Variants in DSP observed in about 807,000 individuals in gnomAD.
DSP encodes 250/210 kDa paraneoplastic pemphigus antigen.
A neutral mutation model predicts 290.6 loss-of-function variants in DSP; 114 were observed. The observed-to-expected ratio is 0.39, with a 90% confidence interval of 0.34 to 0.46. The LOEUF is 0.46. Ranked by LOEUF, DSP falls within the 20% of genes least tolerant of loss-of-function variation. The probability of loss-of-function intolerance (pLI) is 0.99; values close to 1 mark genes in which losing one functional copy is unlikely to be tolerated. For missense variants in DSP, 3,230 were observed against 3,495.8 expected (o/e 0.92, Z 1.92); for synonymous variants, 1,311 against 1,316.4 (o/e 1.00, Z 0.09).
rs773559423 is a variant in DSP at position 7,541,996 on chromosome 6, C to G, written c.81C>G (p.Arg27=). ...GCGCCGAGTCTGGCCCGGACCTGCG[C>G]TACGAGGTGACCAGCGGCGGCGGGG... The part of the protein sequence containing the change: ...MIRAESGPDL[R]YEVTSGGGGT... The change falls in exon 1 of 24, where the codon CGC becomes CGG. Residue 27 remains arginine (R), a synonymous_variant. Coordinates refer to ENST00000379802, the MANE Select transcript of DSP (RefSeq NM_004415.4). 11 of 1,599,432 alleles carry G rather than the reference C, an allele frequency of 6.9e-6. No individual in the cohort carries two copies. The highest frequency in any genetic ancestry group is 9.4e-6 in the Non-Finnish European group (11 of 1,174,322).
rs371873840 is a variant in DSP, at chr6:7,582,998, G to A, written c.5736G>A (p.Arg1912=). 5 of 1,613,954 alleles carry A rather than the reference G, an allele frequency of 3.1e-6. No homozygotes were observed. Among genetic ancestry groups the A allele is most frequent in the Admixed American group, 1.7e-5 (1 of 59,990 alleles). The change falls in exon 24 of 24, where the codon AGG becomes AGA. Residue 1912 remains arginine, a synonymous_variant. Coordinates refer to ENST00000379802, the MANE Select transcript of DSP (RefSeq NM_004415.4). This position sits in a 1 kb window ranked among gnomAD's most constrained non-coding sequence, Gnocchi z 4.2. ...LQAEIKRIEE[R]CRRKLEDSTR... ...CAGAGATCAAGAGAATTGAAGAGAGGTGCAGGCGTAAGCTGGAGGATTCTA... is the reference window on the plus strand; with the variant it reads ...CAGAGATCAAGAGAATTGAAGAGAGATGCAGGCGTAAGCTGGAGGATTCTA...
At position 7,567,334 on chromosome 6, in the gene DSP, C is replaced by T; in HGVS notation, c.1045-20C>T. The T allele has an allele frequency of 1.2e-6, 2 of 1,606,890 alleles. No homozygotes were observed. The highest frequency in any genetic ancestry group is 1.7e-6 in the Non-Finnish European group (2 of 1,173,754). ...GTACAACTGAGCTAGGCTAAGACAG[C>T]TGACATTTTCTTGTTTCAGGCCTAT... On this transcript the variant is annotated intron_variant, in intron 8 of 23. Transcript: ENST00000379802.
intron 1 of DSP, 137 bp downstream of exon 1, chr6:7,542,222 C>A: frequency 8.1e-7 from 1 of 1,227,416 alleles, no homozygotes; most frequent in Non-Finnish European, 1.1e-6. Flanking sequence ...AACTTCCCGG[C>A]CGCGCTGGGA....
Position 7,575,334 on chromosome 6 carries a change from G to A in DSP, c.2476G>A (p.Ala826Thr). The A allele has an allele frequency of 6.2e-7, 1 of 1,613,930 alleles. No homozygotes were observed. The highest frequency in any genetic ancestry group is 2.2e-5 in the East Asian group (1 of 44,874). ...CTTGAACTTGAAGAAGTCGTTGTTG[G>A]CCACTATGAAGACAGAACTACAGAA... ...NDLNLKKSLL[A>T]TMKTELQKAQ... Residue 826 changes from alanine (A) to threonine (T), a missense_variant, in exon 18 of 24, where the codon GCC becomes ACC. Physicochemically the swap from Ala to Thr is moderately conservative, Grantham distance 58 (BLOSUM62 0). Transcript: ENST00000379802.
chr6:7,558,697 G>A (rs1758580915), intron 3 of DSP, among the ~76,000 whole-genome samples: 1 of 151,918 alleles, frequency 6.6e-6, no homozygotes. Context: ...AATTTTTTGT[G>A]GAGACAGGGT....
intron 15 of DSP, among the ~76,000 whole-genome samples, chr6:7,573,640 A>G (rs1002555141): frequency 1.3e-5 from 2 of 152,098 alleles, no homozygotes; most frequent in South Asian, 4.1e-4. Flanking sequence ...AATGTGGGGG[A>G]CATTATGCTA....
At chr6:7,552,103 T>C (rs944961180) in intron 1 of DSP, among the ~76,000 whole-genome samples, 2 of 152,184 alleles carry the variant, frequency 1.3e-5, no homozygotes, top group African/African-American at 4.8e-5. Flanking sequence ...AGACAAATAA[T>C]GATATCAAAG....
intron 1 of DSP, among the ~76,000 whole-genome samples, chr6:7,550,570 C>G (rs1461099097): frequency 6.6e-6 from 1 of 151,764 alleles, no homozygotes; most frequent in Non-Finnish European, 1.5e-5. Context: ...CGATGAAGGG[C>G]TCTCTATGCA....
Position 7,584,793 on chromosome 6 carries a change from TCAGATGGCTCCAC to T in DSP, c.7535_7547del (p.Asp2512GlyfsTer5). On this transcript the variant is annotated frameshift_variant, in exon 24 of 24. Transcript: ENST00000379802. LOFTEE classifies it high-confidence loss of function. The surrounding 1 kb of genome is among the most constrained non-coding windows in gnomAD (Gnocchi z 6.4). ...ATGGGAAGAAATAACCATCACGGGATCAGATGGCTCCACCAGGGTGGTCCTGGTAGATAGAAAG... is the reference window on the plus strand; with the variant it reads ...ATGGGAAGAAATAACCATCACGGGATCAGGGTGGTCCTGGTAGATAGAAAG... The T allele has an allele frequency of 6.2e-7, 1 of 1,614,154 alleles. No homozygotes were observed. Among genetic ancestry groups the T allele is most frequent in the Non-Finnish European group, 8.5e-7 (1 of 1,180,018 alleles).
rs1450035171 is a variant in DSP, at chr6:7,572,076, T to C, written c.2130+8T>C. The C allele has an allele frequency of 1.2e-6, 2 of 1,610,524 alleles. No homozygotes were observed. Among genetic ancestry groups the C allele is most frequent in the African/African-American group, 2.7e-5 (2 of 74,834 alleles). ...AAAATTAACGAGCTTAAGGTAGGTA[T>C]CTGCTAGTATTTTGCCTGGTTACCC... On this transcript the variant is annotated splice_region_variant and intron_variant, in intron 15 of 23. Transcript: ENST00000379802.
chr6:7,576,539 C>G, intron 19 of DSP, 83 bp downstream of exon 19: 1 of 1,543,026 alleles, frequency 6.5e-7, no homozygotes, highest in Non-Finnish European at 8.9e-7. Flanking sequence ...TGTATCAGTG[C>G]CTAGGTTTGA....
rs1759395085 is a variant in DSP, at chr6:7,580,532, G to C, written c.4342G>C (p.Glu1448Gln). 3 of 1,614,164 alleles carry C rather than the reference G, an allele frequency of 1.9e-6. No individual in the cohort carries two copies. Among genetic ancestry groups the C allele is most frequent in the Non-Finnish European group, 2.5e-6 (3 of 1,180,044 alleles). ...SEVSQRKQQL[E>Q]VELRQVTQMR... is the part of the protein sequence containing the mutation. ...GGTGTCTCAGAGGAAACAGCAGCTGGAGGTTGAGCTGAGACAAGTCACTCA... is the reference window on the plus strand; with the variant it reads ...GGTGTCTCAGAGGAAACAGCAGCTGCAGGTTGAGCTGAGACAAGTCACTCA... The change falls in exon 23 of 24, where the codon GAG (glutamate) becomes CAG (glutamine). Residue 1448 changes from glutamate to glutamine, a missense_variant. By Grantham distance (29) the Glu-to-Gln change is conservative. Coordinates refer to ENST00000379802, the MANE Select transcript of DSP (RefSeq NM_004415.4). The surrounding 1 kb of genome is among the most constrained non-coding windows in gnomAD (Gnocchi z 4.2).
chr6:7,544,339 T>C (rs1758109551), intron 1 of DSP, among the ~76,000 whole-genome samples: 1 of 152,240 alleles, frequency 6.6e-6, no homozygotes, highest in Non-Finnish European at 1.5e-5. Flanking sequence ...TATGTTTGGC[T>C]GTGGCGTGCA....
At position 7,581,512 on chromosome 6, in the gene DSP, G is replaced by A; in HGVS notation, c.5322G>A (p.Gln1774=). Reference sequence around the variant, plus strand: ...TGCAGGGGCTGATTAATGATTTACAGAGAGAGAGGGAAAATTTGAGACAGG... The same window carrying A: ...TGCAGGGGCTGATTAATGATTTACAAAGAGAGAGGGAAAATTTGAGACAGG... ...LELQGLINDL[Q]RERENLRQEI... Residue 1774 remains glutamine, a synonymous_variant, in exon 23 of 24, where the codon CAG becomes CAA. Transcript: ENST00000379802. 6.2e-7 allele frequency: 1 copy of A among 1,613,970 alleles called. No homozygotes were observed. Among genetic ancestry groups the A allele is most frequent in the Admixed American group, 1.7e-5 (1 of 60,004 alleles).
rs1042992357 is a variant in DSP at position 7,582,515 on chromosome 6, T to C, written c.5380-127T>C. On this transcript the variant is annotated intron_variant, in intron 23 of 23. Coordinates refer to ENST00000379802, the MANE Select transcript of DSP (RefSeq NM_004415.4). The surrounding 1 kb of genome is among the most constrained non-coding windows in gnomAD (Gnocchi z 4.2). ...GCTCACAGTGTATCCAGGGACAATATAGAAAGAAAAAATAAGCAAGGCTTT... is the reference window on the plus strand; with the variant it reads ...GCTCACAGTGTATCCAGGGACAATACAGAAAGAAAAAATAAGCAAGGCTTT... 7.9e-6 allele frequency: 7 copies of C among 884,116 alleles called. No individual in the cohort carries two copies. Among genetic ancestry groups the C allele is most frequent in the African/African-American group, 6.9e-5 (4 of 58,358 alleles). 54.8% of individuals were successfully genotyped at this position (884,116 alleles called of 1,614,324 possible).
intron 1 of DSP, 78 bp from the exon 2 acceptor site, chr6:7,555,639 CA>C: frequency 7.2e-7 from 1 of 1,389,866 alleles, no homozygotes; most frequent in Non-Finnish European, 1.0e-6. Context: ...CCCGTTTTTG[CA>C]ACTTTTGCAA....
chr6:7,574,972 G>A (rs529140509), intron 17 of DSP, among the ~76,000 whole-genome samples, 177 bp downstream of exon 17: 9 of 152,292 alleles, frequency 5.9e-5, no homozygotes, highest in Non-Finnish European at 8.8e-5. Context: ...TGTGTTAGCA[G>A]GAACTATATA....
At chr6:7,558,957 C>T (rs1581793562) in intron 3 of DSP, among the ~76,000 whole-genome samples, 1 of 152,112 alleles carries the variant, frequency 6.6e-6, no homozygotes, top group Admixed American at 6.5e-5. Flanking sequence ...CAGGACAAAA[C>T]GCAAGAGAAA....
At position 7,584,929 on chromosome 6, in the gene DSP, A is replaced by T. The variant is rs760434412; in HGVS notation, c.7667A>T (p.Gln2556Leu). 7 of 1,614,148 alleles carry T rather than the reference A, an allele frequency of 4.3e-6. No individual in the cohort carries two copies. In the South Asian group the frequency reaches 4.4e-5, roughly 10 times the overall value. Residue 2556 changes from glutamine (Q) to leucine (L), a missense_variant, in exon 24 of 24, where the codon CAA (glutamine) becomes CTA (leucine). Gln to Leu is a moderately radical substitution (Grantham distance 113). This residue lies in a region of DSP where 582 missense variants were observed against 555.4 expected (regional missense o/e 1.05). Coordinates refer to ENST00000379802, the MANE Select transcript of DSP (RefSeq NM_004415.4). The surrounding 1 kb of genome is among the most constrained non-coding windows in gnomAD (Gnocchi z 6.4). Reference protein sequence around the residue: ...QYRSGSLSLTQFADMISLKNG... With the variant: ...QYRSGSLSLTLFADMISLKNG... ...CGATCCGGCAGCCTCAGCCTCACTC[A>T]ATTTGCTGACATGATCTCCTTGAAA...
Sources: allele counts gnomAD v4.1 joint callset (sites outside exome capture counted in the v4.1 genomes callset), GRCh38; gene constraint gnomAD v4.1.1; regional missense constraint gnomAD v4.1.1; non-coding constraint Gnocchi (gnomAD v3.1); transcripts MANE v1.5; gene names NCBI Gene and HGNC (gene_info 2026-07-23, HGNC 2026-07-21).